HECTD4: variants seen among roughly 807,000 people sequenced by gnomAD.
HECTD4 encodes probable E3 ubiquitin-protein ligase HECTD4.
A neutral mutation model predicts 471.5 loss-of-function variants in HECTD4; 114 were observed. The ratio of observed to expected loss-of-function variants is 0.24; its 90% CI spans 0.21 to 0.28. The LOEUF (loss-of-function observed/expected upper bound fraction) is 0.28. HECTD4 is among the 10% of genes least tolerant of loss of function. The probability of loss-of-function intolerance (pLI) is 1.00; values close to 1 mark genes in which losing one functional copy is unlikely to be tolerated. For synonymous variants in HECTD4, 2,012 were observed against 2,256.0 expected (o/e 0.89, Z 3.07); for missense variants, 3,866 against 5,651.5 (o/e 0.68, Z 10.13).
At chr12:112,203,308 G>A (rs944363881) in intron 54 of HECTD4, 1 of 192,238 alleles carries the variant, frequency 5.2e-6, no homozygotes, top group African/African-American at 2.3e-5. Flanking sequence ...CAAGGACAAT[G>A]GGGACTTTTC....
chr12:112,270,311 A>G lies in HECTD4; in HGVS notation c.2091T>C (p.His697=), dbSNP rs1042987892. The G allele has an allele frequency of 1.2e-6, 2 of 1,614,078 alleles. No individual in the cohort carries two copies. Among genetic ancestry groups the G allele is most frequent in the Non-Finnish European group, 1.7e-6 (2 of 1,179,902 alleles). Residue 697 remains histidine (H), a synonymous_variant, in exon 12 of 76, where the codon CAT becomes CAC. Coordinates refer to ENST00000682272, the MANE Select transcript of HECTD4 (RefSeq NM_001388303.1). Reference sequence around the variant, plus strand: ...CCATAATGTCACAAATACTGCTAAGATGATGTGCTTCAATTGGATGCTGCT... The same window carrying G: ...CCATAATGTCACAAATACTGCTAAGGTGATGTGCTTCAATTGGATGCTGCT... The part of the protein sequence containing the change: ...LGKQHPIEAH[H]LSSICDIMEK...
chr12:112,325,765 C>A (rs1010523558), intron 1 of HECTD4, among the ~76,000 whole-genome samples: 29 of 151,954 alleles, frequency 1.9e-4, no homozygotes, highest in Admixed American at 1.4e-3. Flanking sequence ...TAACTCACAG[C>A]CTTCATGTAT....
At chr12:112,256,699 T>C (rs917713155) in intron 20 of HECTD4, 181 bp from the exon 21 acceptor site, 12 of 408,172 alleles carry the variant, frequency 2.9e-5, no homozygotes, top group Non-Finnish European at 5.1e-5. Context: ...GGGTTTTTTC[T>C]TTCCTTGTTG....
At chr12:112,324,066 C>A (rs1160682451) in intron 1 of HECTD4, among the ~76,000 whole-genome samples, 1 of 78,450 alleles carries the variant, frequency 1.3e-5, no homozygotes, top group Non-Finnish European at 2.1e-5. Flanking sequence ...TTCTTTCTTT[C>A]TTTCTTTCTT....
intron 9 of HECTD4, among the ~76,000 whole-genome samples, chr12:112,277,556 G>A (rs2034552053): frequency 6.6e-6 from 1 of 152,194 alleles, no homozygotes; most frequent in Admixed American, 6.5e-5. Flanking sequence ...GACTGAGAAA[G>A]ATCTAGGATC....
intron 7 of HECTD4, among the ~76,000 whole-genome samples, chr12:112,284,940 T>C (rs1594010094): frequency 6.6e-6 from 1 of 152,080 alleles, no homozygotes; most frequent in South Asian, 2.1e-4. Flanking sequence ...CAGATGATCC[T>C]CCCACCCCAG....
At position 112,319,479 on chromosome 12, in the gene HECTD4, G is replaced by A; in HGVS notation, c.441C>T (p.Leu147=). The A allele has an allele frequency of 1.3e-6, 2 of 1,516,870 alleles. No individual in the cohort carries two copies. Among genetic ancestry groups the A allele is most frequent in the Non-Finnish European group, 1.8e-6 (2 of 1,135,366 alleles). The allele number at this position is 1,516,870 out of a possible 1,614,324, so 94.0% of individuals were successfully genotyped here. Residue 147 remains leucine (L), a synonymous_variant, in exon 2 of 76, where the codon CTC becomes CTT. Coordinates refer to ENST00000682272, the MANE Select transcript of HECTD4 (RefSeq NM_001388303.1). The surrounding 1 kb of genome is among the most constrained non-coding windows in gnomAD (Gnocchi z 5.3). ...ACTGAATAAGGGGGAAGACCAGCAG[G>A]AGCCCCATCCTCGATGTGAAGGGCG... The part of the protein sequence containing the change: ...EQAPFTSRMG[L]LLVFPLIQSQ...
intron 1 of HECTD4, among the ~76,000 whole-genome samples, chr12:112,335,143 T>TATACACACACAC (rs2035925238): frequency 6.8e-6 from 1 of 146,812 alleles, no homozygotes; most frequent in East Asian, 2.1e-4. Flanking sequence ...GAAACTGTGA[T>TATACACACACAC]ACACACACAC....
rs2135524000 is a variant in HECTD4, at chr12:112,193,261, AC to A, written c.8956-71del. The stretch of plus-strand genomic sequence containing the variant: ...GGACAGCATTTCATCTTCTCATCTC[AC>A]ATGGCCCAGGAAATCAGCCAAACGA... On this transcript the variant is annotated intron_variant, in intron 57 of 75. Coordinates refer to ENST00000682272, the MANE Select transcript of HECTD4 (RefSeq NM_001388303.1). The surrounding 1 kb of genome is among the most constrained non-coding windows in gnomAD (Gnocchi z 5.2). The A allele has an allele frequency of 6.4e-7, 1 of 1,566,420 alleles. No individual in the cohort carries two copies. Among genetic ancestry groups the A allele is most frequent in the African/African-American group, 1.4e-5 (1 of 73,760 alleles).
chr12:112,324,972 T>A (rs575325674), intron 1 of HECTD4, among the ~76,000 whole-genome samples: 1 of 152,212 alleles, frequency 6.6e-6, no homozygotes, highest in South Asian at 2.1e-4. Context: ...AAGCAACTAC[T>A]AAAAAAATTC....
intron 1 of HECTD4, among the ~76,000 whole-genome samples, chr12:112,376,432 G>C (rs2036782523): frequency 6.6e-6 from 1 of 152,006 alleles, no homozygotes; most frequent in Non-Finnish European, 1.5e-5. Context: ...ATTTTTAGTA[G>C]AGACGGGGTT....
At chr12:112,231,478 T>C in intron 39 of HECTD4, 35 bp downstream of exon 39, 1 of 1,582,770 alleles carries the variant, frequency 6.3e-7, no homozygotes, top group Non-Finnish European at 8.7e-7. Flanking sequence ...AAACCTGAGA[T>C]GAGTGTGGAC....
rs533211123 is a variant in HECTD4, at chr12:112,204,188, G to A, written c.8269+298C>T. ...CTCTAGAGTAGCTGGGATTACAGGC[G>A]TGCGCCACCAGGCCCAGCTATTTTC... On this transcript the variant is annotated intron_variant, in intron 53 of 75. Coordinates refer to ENST00000682272, the MANE Select transcript of HECTD4 (RefSeq NM_001388303.1). Among the ~76,000 whole-genome samples, 21 of 152,184 alleles carry A rather than the reference G, an allele frequency of 1.4e-4. 1 individual carries two copies. Among genetic ancestry groups the A allele is most frequent in the Non-Finnish European group, 2.4e-4 (16 of 68,040 alleles).
At chr12:112,204,319 C>T (rs1385497979) in intron 53 of HECTD4, among the ~76,000 whole-genome samples, 167 bp downstream of exon 53, 9 of 152,204 alleles carry the variant, frequency 5.9e-5, no homozygotes, top group Non-Finnish European at 1.3e-4. Context: ...AAGGGCCCCA[C>T]CAGGGTTGCC....
intron 7 of HECTD4, among the ~76,000 whole-genome samples, chr12:112,300,972 C>T (rs746309799): frequency 2.0e-5 from 3 of 151,984 alleles, no homozygotes; most frequent in Non-Finnish European, 4.4e-5. Flanking sequence ...GCAACCTCCA[C>T]CTCCCAGGTT....
intron 9 of HECTD4, among the ~76,000 whole-genome samples, chr12:112,276,643 C>G (rs890815779): frequency 2.6e-5 from 4 of 152,160 alleles, no homozygotes; most frequent in African/African-American, 9.7e-5. Context: ...GATGGGGTTT[C>G]ACCACGTTGG....
chr12:112,319,660 G>A lies in HECTD4; in HGVS notation c.260C>T (p.Ala87Val). 1 of 1,357,924 alleles carries A rather than the reference G, an allele frequency of 7.4e-7. No homozygotes were observed. The highest frequency in any genetic ancestry group is 2.1e-5 in the South Asian group (1 of 46,908). The allele number at this position is 1,357,924 out of a possible 1,614,324, so 84.1% of individuals were successfully genotyped here. Reference protein sequence around the residue: ...SVCGNQSNAYARLLEYRLNAL... With the variant: ...SVCGNQSNAYVRLLEYRLNAL... ...ATTCAGGCGGTATTCCAGCAGCCGG[G>A]CATAGGCATTGCTCTGATTCCCACA... is the stretch of plus-strand genomic sequence containing the variant. The change falls in exon 2 of 76, where the codon GCC becomes GTC. Residue 87 changes from alanine (A) to valine (V), a missense_variant. Around this residue, in one of 16 missense-constraint regions of HECTD4, gnomAD observed 440 missense variants for 636.0 expected, o/e 0.69. Coordinates refer to ENST00000682272, the MANE Select transcript of HECTD4 (RefSeq NM_001388303.1). The surrounding 1 kb of genome is among the most constrained non-coding windows in gnomAD (Gnocchi z 5.3).
chr12:112,293,429 C>A (rs2034940155), intron 7 of HECTD4, among the ~76,000 whole-genome samples: 1 of 151,452 alleles, frequency 6.6e-6, no homozygotes, highest in Non-Finnish European at 1.5e-5. Flanking sequence ...GTAATCTCAG[C>A]CACTCGGGAG....
Position 112,163,551 on chromosome 12 carries a change from C to T in HECTD4, c.12888G>A (p.Glu4296=), listed in dbSNP as rs375938583. Reference sequence around the variant, plus strand: ...GCCCTGGGATGTCTACCTTGAGGAACTCGAGGTTGATGTAGGGGAGGCCGC... The same window carrying T: ...GCCCTGGGATGTCTACCTTGAGGAATTCGAGGTTGATGTAGGGGAGGCCGC... ...RTCGLPYINL[E]FLKAHTMYQV... The change falls in exon 74 of 76, where the codon GAG becomes GAA. Residue 4296 remains glutamate, a synonymous_variant. Transcript: ENST00000682272. This position sits in a 1 kb window ranked among gnomAD's most constrained non-coding sequence, Gnocchi z 8.2. The T allele has an allele frequency of 1.7e-5, 25 of 1,470,762 alleles. No homozygotes were observed. The highest frequency in any genetic ancestry group is 5.0e-4 in the Middle Eastern group (2 of 4,024). The allele number at this position is 1,470,762 out of a possible 1,614,324, so 91.1% of individuals were successfully genotyped here.
Sources: allele counts gnomAD v4.1 joint callset (sites outside exome capture counted in the v4.1 genomes callset), GRCh38; gene constraint gnomAD v4.1.1; regional missense constraint gnomAD v4.1.1; non-coding constraint Gnocchi (gnomAD v3.1); transcripts MANE v1.5; gene names NCBI Gene and HGNC (gene_info 2026-07-23, HGNC 2026-07-21).